The following LRFN5 variants were observed in gnomAD, a reference collection of about 807,000 sequenced individuals.
The protein encoded by LRFN5 is leucine-rich repeat and fibronectin type-III domain-containing protein 5.
LRFN5 carries 24 observed loss-of-function variants against 45.6 expected under a neutral mutation model. The observed-to-expected ratio is 0.53, with a 90% CI of 0.38 to 0.74. LRFN5 has a LOEUF of 0.74. Ranked by LOEUF, LRFN5 falls within the 30% of genes least tolerant of loss-of-function variation. LRFN5 has a pLI of 0.00. For synonymous variants in LRFN5, 340 were observed against 313.8 expected, an observed-to-expected ratio of 1.08 and a Z score of -0.88; for missense variants, 776 against 861.5, an observed-to-expected ratio of 0.90 and a Z score of 1.24.
intron 1 of LRFN5, among the ~76,000 whole-genome samples, chr14:41,692,031 T>C (rs753113979): frequency 6.6e-6 from 1 of 152,164 alleles, no homozygotes; most frequent in South Asian, 2.1e-4. Context: ...GTAAGATTGA[T>C]GTGAACATAT....
rs189115809 is a variant in LRFN5, at chr14:41,753,387, C to G, written c.-196-13467C>G. On this transcript the variant is annotated intron_variant, in intron 1 of 5. Coordinates refer to ENST00000298119, the MANE Select transcript of LRFN5 (RefSeq NM_152447.5). ...GGCCATTTTCACAATATTGCTTATTCCTACCCATGAGCATGGAATGTTCTT... is the reference window on the plus strand; with the variant it reads ...GGCCATTTTCACAATATTGCTTATTGCTACCCATGAGCATGGAATGTTCTT... Among the ~76,000 whole-genome samples, 1,467 of 152,254 alleles carry G rather than the reference C, an allele frequency of 9.6e-3. 22 individuals are homozygous for G. Among genetic ancestry groups the G allele is most frequent in the African/African-American group, 0.034 (1,407 of 41,540 alleles).
At chr14:41,620,842 A>G (rs1400204350) in intron 1 of LRFN5, among the ~76,000 whole-genome samples, 1 of 151,906 alleles carries the variant, frequency 6.6e-6, no homozygotes, top group Non-Finnish European at 1.5e-5. Context: ...TATAATGTCT[A>G]TATTAAACAA....
At chr14:41,825,434 A>G (rs1022939722) in intron 2 of LRFN5, among the ~76,000 whole-genome samples, 3 of 152,194 alleles carry the variant, frequency 2.0e-5, no homozygotes, top group Non-Finnish European at 4.4e-5. Flanking sequence ...GCTCACATTC[A>G]GGGAGCTCTT....
At chr14:41,682,201 G>A (rs557992123) in intron 1 of LRFN5, among the ~76,000 whole-genome samples, 106 of 151,918 alleles carry the variant, frequency 7.0e-4, no homozygotes, top group South Asian at 2.3e-3. Context: ...AGTTAAGATC[G>A]TGGCACTACA....
At chr14:41,712,278 T>C (rs1743612018) in intron 1 of LRFN5, among the ~76,000 whole-genome samples, 1 of 141,454 alleles carries the variant, frequency 7.1e-6, no homozygotes, top group African/African-American at 2.6e-5. Context: ...AAAAAGGTTT[T>C]GGGCCAGGCG....
chr14:41,744,401 T>C (rs1337503350), intron 1 of LRFN5, among the ~76,000 whole-genome samples: 1 of 151,964 alleles, frequency 6.6e-6, no homozygotes, highest in African/African-American at 2.4e-5. Context: ...GAAATAAATT[T>C]AACCATTTCA....
intron 2 of LRFN5, among the ~76,000 whole-genome samples, chr14:41,819,031 G>A (rs1268698518): frequency 6.6e-6 from 1 of 152,116 alleles, no homozygotes; most frequent in African/African-American, 2.4e-5. Context: ...TAAGATAATA[G>A]CCTCCAGTTC....
chr14:41,787,165 G>C (rs1047813284), intron 2 of LRFN5, among the ~76,000 whole-genome samples: 1 of 151,904 alleles, frequency 6.6e-6, no homozygotes, highest in Admixed American at 6.6e-5. Flanking sequence ...TCTTGCTTCT[G>C]TTCCTTCCTA....
chr14:41,781,837 T>A (rs1046724873), intron 2 of LRFN5, among the ~76,000 whole-genome samples: 2 of 152,096 alleles, frequency 1.3e-5, no homozygotes, highest in Admixed American at 6.5e-5. Context: ...TGGTCTTGTT[T>A]TTCCTTCAGC....
intron 2 of LRFN5, among the ~76,000 whole-genome samples, chr14:41,788,323 G>T (rs1480803484): frequency 6.6e-6 from 1 of 151,886 alleles, no homozygotes; most frequent in Non-Finnish European, 1.5e-5. Flanking sequence ...TCAATTATAT[G>T]TATGGCAGAT....
At chr14:41,873,455 G>A (rs987000913) in intron 2 of LRFN5, among the ~76,000 whole-genome samples, 2 of 150,614 alleles carry the variant, frequency 1.3e-5, no homozygotes, top group Admixed American at 1.3e-4. Flanking sequence ...GAGAAGGAGA[G>A]AGACATTGCG....
chr14:41,772,571 G>A (rs1382132356), intron 2 of LRFN5, among the ~76,000 whole-genome samples: 1 of 152,026 alleles, frequency 6.6e-6, no homozygotes, highest in African/African-American at 2.4e-5. Flanking sequence ...AAAGAAGAAA[G>A]AATAAAAAAC....
At chr14:41,866,917 A>G (rs1889859961) in intron 2 of LRFN5, among the ~76,000 whole-genome samples, 1 of 152,142 alleles carries the variant, frequency 6.6e-6, no homozygotes, top group Non-Finnish European at 1.5e-5. Flanking sequence ...TTATATTATT[A>G]GCTACATAAT....
intron 1 of LRFN5, among the ~76,000 whole-genome samples, chr14:41,711,852 C>T (rs1883297547): frequency 6.6e-6 from 1 of 152,078 alleles, no homozygotes; most frequent in Non-Finnish European, 1.5e-5. Flanking sequence ...AATGATAATT[C>T]TGGAATATAA....
chr14:41,800,642 A>G (rs945299229), intron 2 of LRFN5, among the ~76,000 whole-genome samples: 2 of 151,904 alleles, frequency 1.3e-5, no homozygotes, highest in Non-Finnish European at 2.9e-5. Context: ...ACTAAAGTCT[A>G]TAATTCCTAA....
At chr14:41,725,972 T>G (rs1300652129) in intron 1 of LRFN5, among the ~76,000 whole-genome samples, 1 of 152,190 alleles carries the variant, frequency 6.6e-6, no homozygotes, top group Non-Finnish European at 1.5e-5. Context: ...ATGATTCATT[T>G]GGTTTAAATT....
chr14:41,752,910 A>AAG (rs1885200583), intron 1 of LRFN5, among the ~76,000 whole-genome samples: 1 of 152,174 alleles, frequency 6.6e-6, no homozygotes, highest in Non-Finnish European at 1.5e-5. Context: ...TTTAACATTT[A>AAG]AGTCTTTAAT....
chr14:41,722,821 T>A (rs1191012458), intron 1 of LRFN5, among the ~76,000 whole-genome samples: 1 of 152,198 alleles, frequency 6.6e-6, no homozygotes, highest in Non-Finnish European at 1.5e-5. Context: ...GACAATGGGC[T>A]GATTCATGGA....
At chr14:41,711,320 C>T (rs766013558) in intron 1 of LRFN5, among the ~76,000 whole-genome samples, 22 of 152,030 alleles carry the variant, frequency 1.4e-4, no homozygotes, top group Non-Finnish European at 2.6e-4. Flanking sequence ...TCATAGAAGA[C>T]GTTGAGCTTA....
Sources: gnomAD v4.1 joint callset for allele counts (sites outside exome capture counted in the v4.1 genomes callset) on GRCh38, gnomAD v4.1.1 for gene constraint, MANE v1.5 for transcripts, NCBI Gene and HGNC (gene_info 2026-07-23, HGNC 2026-07-21) for gene names.